RSPH14: variants seen among roughly 807,000 people sequenced by gnomAD.
RSPH14 encodes the protein radial spoke head 14 homolog.
In RSPH14, 20 loss-of-function variants were observed where a neutral mutation model predicts 26.7. That is an observed-to-expected ratio of 0.75 (90% CI 0.53 to 1.09). The LOEUF (loss-of-function observed/expected upper bound fraction) is 1.09, where lower values mean the gene tolerates loss of function less well. Among genes scored for constraint, RSPH14 ranks in the 50% least tolerant of loss-of-function variants. The pLI, the probability that RSPH14 is intolerant of heterozygous loss-of-function variation, is 0.00. For synonymous variants in RSPH14, 177 were observed against 189.3 expected (o/e 0.93, Z 0.53); for missense variants, 449 against 457.2 (o/e 0.98, Z 0.16).
chr22:23,153,178 G>GCTCACAC, the RSPH14 span: 2 of 1,444,408 alleles, frequency 1.4e-6, no homozygotes, highest in South Asian at 1.1e-5. Flanking sequence ...GCTTCCTACA[G>GCTCACAC]GCACCTGAGA....
intron 4 of RSPH14, among the ~76,000 whole-genome samples, chr22:23,074,433 G>A (rs2068458909): frequency 6.6e-6 from 1 of 152,218 alleles, no homozygotes; most frequent in African/African-American, 2.4e-5. Flanking sequence ...GGTATTGGCT[G>A]AGAAGCAAGA....
chr22:23,121,124 C>T (rs2070013782), intron 4 of RSPH14, among the ~76,000 whole-genome samples: 1 of 152,216 alleles, frequency 6.6e-6, no homozygotes, highest in Non-Finnish European at 1.5e-5. Context: ...TGGCTCCTCT[C>T]TGCTCTGCTG....
chr22:23,070,098 T>C (rs2068303958), intron 4 of RSPH14, among the ~76,000 whole-genome samples: 1 of 151,688 alleles, frequency 6.6e-6, no homozygotes, highest in Non-Finnish European at 1.5e-5. Context: ...CGCGGGGAGC[T>C]CTTGCGGGAC....
chr22:23,063,198 C>T (rs937852714), intron 5 of RSPH14, among the ~76,000 whole-genome samples: 3 of 152,020 alleles, frequency 2.0e-5, no homozygotes, highest in Admixed American at 6.5e-5. Flanking sequence ...ACAAACCTCC[C>T]GGTGGCTTGG....
chr22:23,138,932 C>T lies in RSPH14; in HGVS notation c.210G>A (p.Glu70=). The T allele has an allele frequency of 6.6e-7, 1 of 1,511,736 alleles. No homozygotes were observed. Among genetic ancestry groups the T allele is most frequent in the Middle Eastern group, 1.7e-4 (1 of 5,902 alleles). The allele number at this position is 1,511,736 out of a possible 1,614,324, so 93.6% of individuals were successfully genotyped here. Residue 70 remains glutamate (E), a synonymous_variant, in exon 3 of 7, where the codon GAG becomes GAA. Coordinates refer to ENST00000216036, the MANE Select transcript of RSPH14 (RefSeq NM_014433.3). ...IYKAMNIGCM[E]NLKALLKDSN... is the part of the protein sequence containing the mutation. ...TATCCTTCAGCAAAGCTTTCAGGTT[C>T]TCCATACAGCCTAGAAAAAAAAAAA...
At chr22:23,162,405 C>A in the RSPH14 span, 1 of 351,188 alleles carries the variant, frequency 2.8e-6, no homozygotes, top group Non-Finnish European at 5.7e-6. Flanking sequence ...CACTGCCCTC[C>A]TCTGGCACTC....
At chr22:23,178,038 C>T in the RSPH14 span, among the ~76,000 whole-genome samples, 5 of 152,110 alleles carry the variant, frequency 3.3e-5, no homozygotes, top group Admixed American at 1.3e-4. Context: ...TGGGCTCAAG[C>T]GATACTCCTG....
intron 4 of RSPH14, among the ~76,000 whole-genome samples, chr22:23,110,688 A>G (rs2069619326): frequency 6.6e-6 from 1 of 152,234 alleles, no homozygotes; most frequent in African/African-American, 2.4e-5. Flanking sequence ...CTGTGGTGTG[A>G]GACTCTGAGG....
chr22:23,061,119 T>G (rs989354943), intron 6 of RSPH14, among the ~76,000 whole-genome samples: 4 of 152,186 alleles, frequency 2.6e-5, no homozygotes, highest in African/African-American at 9.7e-5. Flanking sequence ...AGGACCTGTC[T>G]TTGGGAGGCT....
chr22:23,180,364 C>A, the RSPH14 span: 1 of 146,170 alleles, frequency 6.8e-6, no homozygotes, highest in African/African-American at 2.5e-5. Flanking sequence ...GGCACAGGGA[C>A]GGGGGGAGGG....
intron 4 of RSPH14, among the ~76,000 whole-genome samples, chr22:23,102,693 C>T (rs192890584): frequency 4.6e-5 from 7 of 152,372 alleles, no homozygotes; most frequent in African/African-American, 1.7e-4. Context: ...TTCAGTGCAT[C>T]AGCCACCCCT....
rs2068139921 is a variant in RSPH14, at chr22:23,063,785, G to A, written c.653+117C>T. The A allele has an allele frequency of 5.3e-5, 48 of 901,942 alleles. 1 individual carries two copies. In the South Asian group the frequency reaches 7.3e-4, roughly 14 times the overall value. 55.9% of individuals were successfully genotyped at this position (901,942 alleles called of 1,614,324 possible). ...TCTGTCCCAGCTCCCTCCTACCCCT[G>A]GGCACAAGCAGGCAAGGGGAAGCAG... is the stretch of plus-strand genomic sequence containing the variant. On this transcript the variant is annotated intron_variant, in intron 5 of 6. Transcript: ENST00000216036.
intron 4 of RSPH14, among the ~76,000 whole-genome samples, chr22:23,118,624 A>G (rs1369433108): frequency 6.6e-6 from 1 of 152,140 alleles, no homozygotes; most frequent in Non-Finnish European, 1.5e-5. Flanking sequence ...TGGGCCCCAT[A>G]TGTGAAGTGA....
chr22:23,151,373 T>C, the RSPH14 span, among the ~76,000 whole-genome samples: 12 of 152,116 alleles, frequency 7.9e-5, no homozygotes, highest in Admixed American at 7.8e-4. Flanking sequence ...ATAGGAGAAA[T>C]GGAGTCAGAA....
the RSPH14 span, among the ~76,000 whole-genome samples, chr22:23,150,822 C>T: frequency 6.6e-6 from 1 of 152,132 alleles, no homozygotes; most frequent in Admixed American, 6.5e-5. Context: ...CCCCCACTAC[C>T]CTTGCCCCTG....
At chr22:23,123,542 G>A in intron 4 of RSPH14, 1 of 665,410 alleles carries the variant, frequency 1.5e-6, no homozygotes, top group Non-Finnish European at 2.6e-6. Context: ...CCTAAAGAAT[G>A]TCCCCCACCC....
chr22:23,157,558 G>A, the RSPH14 span, among the ~76,000 whole-genome samples: 2 of 152,112 alleles, frequency 1.3e-5, no homozygotes, highest in African/African-American at 2.4e-5. Flanking sequence ...AGCGCCTGGC[G>A]ACTAACAGCT....
rs550381015 is a variant in RSPH14 at position 23,060,126 on chromosome 22, C to G, written c.791-408G>C. ...CCTGGGAGTTTGAGGCTGCAGTGAT[C>G]GTGACATCGTACTCTAGCCTGGGTG... On this transcript the variant is annotated intron_variant, in intron 6 of 6. Coordinates refer to ENST00000216036, the MANE Select transcript of RSPH14 (RefSeq NM_014433.3). Among the ~76,000 whole-genome samples, 3 of 152,194 alleles carry G rather than the reference C, an allele frequency of 2.0e-5. No individual in the cohort carries two copies. In the South Asian group the frequency reaches 6.2e-4, roughly 32 times the overall value.
intron 4 of RSPH14, among the ~76,000 whole-genome samples, chr22:23,101,125 C>T (rs1158910214): frequency 6.6e-6 from 1 of 152,100 alleles, no homozygotes; most frequent in African/African-American, 2.4e-5. Context: ...CAGATGATAC[C>T]CTCTCCCCAG....
Sources: gnomAD v4.1 joint callset for allele counts (sites outside exome capture counted in the v4.1 genomes callset) on GRCh38, gnomAD v4.1.1 for gene constraint, MANE v1.5 for transcripts, NCBI Gene and HGNC (gene_info 2026-07-23, HGNC 2026-07-21) for gene names.